PCDH15: variants seen among roughly 807,000 people sequenced by gnomAD.
PCDH15 encodes protocadherin-15.
In PCDH15, 129 loss-of-function variants were observed where a neutral mutation model predicts 178.5. The ratio of observed to expected loss-of-function variants is 0.72; its 90% CI spans 0.63 to 0.84. The LOEUF is 0.84. Among genes scored for constraint, PCDH15 ranks in the 40% least tolerant of loss-of-function variants. The probability of loss-of-function intolerance (pLI) is 0.00; values close to 1 mark genes in which losing one functional copy is unlikely to be tolerated. For missense variants in PCDH15, 2,230 were observed against 2,099.9 expected (o/e 1.06, Z -1.21); for synonymous variants, 800 against 732.0 (o/e 1.09, Z -1.50).
intron 2 of PCDH15, among the ~76,000 whole-genome samples, chr10:55,441,933 T>C (rs1447500009): frequency 1.4e-5 from 2 of 141,268 alleles, no homozygotes; most frequent in South Asian, 2.6e-4. Context: ...TATGTGAAGA[T>C]GGAACACAAA....
At chr10:54,911,867 C>T (rs1954824618) in intron 2 of PCDH15, among the ~76,000 whole-genome samples, 1 of 152,194 alleles carries the variant, frequency 6.6e-6, no homozygotes, top group Admixed American at 6.5e-5. Context: ...GCCTCCCAGC[C>T]ATGCAGAACT....
intron 25 of PCDH15, among the ~76,000 whole-genome samples, chr10:53,905,525 C>T (rs939291408): frequency 4.0e-5 from 6 of 151,780 alleles, no homozygotes; most frequent in East Asian, 3.9e-4. Context: ...TTAGTAGAGA[C>T]GGGATTTCTC....
intron 2 of PCDH15, among the ~76,000 whole-genome samples, chr10:54,662,891 T>C (rs1238477876): frequency 6.6e-6 from 1 of 152,014 alleles, no homozygotes; most frequent in African/African-American, 2.4e-5. Flanking sequence ...TGTGTTTTCC[T>C]TCAAAATAGC....
chr10:54,394,288 C>T (rs958946357), intron 3 of PCDH15, among the ~76,000 whole-genome samples: 24 of 151,480 alleles, frequency 1.6e-4, no homozygotes, highest in Non-Finnish European at 2.8e-4. Context: ...ATAAAATTAT[C>T]GGGGAACCTG....
At chr10:54,980,274 C>T (rs1839197323) in intron 2 of PCDH15, among the ~76,000 whole-genome samples, 1 of 152,112 alleles carries the variant, frequency 6.6e-6, no homozygotes, top group African/African-American at 2.4e-5. Flanking sequence ...AATTAGCGTG[C>T]TCTAAGTATA....
chr10:54,765,439 A>T (rs1242475511), intron 1 of PCDH15, among the ~76,000 whole-genome samples: 3 of 152,156 alleles, frequency 2.0e-5, no homozygotes, highest in Non-Finnish European at 4.4e-5. Flanking sequence ...ATTCAAAATG[A>T]TGTCAAGAAA....
At position 53,804,623 on chromosome 10, in the gene PCDH15, A is replaced by C. The variant is rs1245439965; in HGVS notation, c.*1956T>G. ...AGCCATGAAGCTGTATATAGAGAGA[A>C]TATCAAGGGATGCTGACTGAGATGA... On this transcript the variant is annotated 3_prime_UTR_variant, in exon 38 of 38. Transcript: ENST00000644397. 1 of 152,088 alleles carries C rather than the reference A, an allele frequency of 6.6e-6. No individual in the cohort carries two copies. Among genetic ancestry groups the C allele is most frequent in the African/African-American group, 2.4e-5 (1 of 41,458 alleles). The allele number at this position is 152,088 out of a possible 1,614,324, so 9.4% of individuals were successfully genotyped here.
At chr10:55,482,167 C>A (rs755520686) in intron 2 of PCDH15, among the ~76,000 whole-genome samples, 1 of 151,414 alleles carries the variant, frequency 6.6e-6, no homozygotes. Flanking sequence ...TTTCTGTTTT[C>A]TATTTGCTTG....
chr10:55,397,315 T>G (rs1379844294), intron 2 of PCDH15, among the ~76,000 whole-genome samples: 1 of 152,160 alleles, frequency 6.6e-6, no homozygotes, highest in Non-Finnish European at 1.5e-5. Context: ...TGCACTTATG[T>G]TCAATGAGGC....
At chr10:55,350,898 C>T (rs1231709542) in intron 2 of PCDH15, among the ~76,000 whole-genome samples, 1 of 152,100 alleles carries the variant, frequency 6.6e-6, no homozygotes, top group African/African-American at 2.4e-5. Flanking sequence ...TAAATCATAA[C>T]ATATCTGATT....
At chr10:54,647,506 G>A (rs1176899901) in intron 2 of PCDH15, among the ~76,000 whole-genome samples, 2 of 151,974 alleles carry the variant, frequency 1.3e-5, no homozygotes, top group Admixed American at 6.6e-5. Context: ...ATTTTTAAAA[G>A]GTAGAACCTC....
chr10:55,240,450 T>C (rs1196359337), intron 1 of PCDH15, among the ~76,000 whole-genome samples: 2 of 152,208 alleles, frequency 1.3e-5, no homozygotes, highest in African/African-American at 2.4e-5. Flanking sequence ...TAAACTGCTG[T>C]TATTATTTTC....
At chr10:55,092,650 T>G (rs981596539) in intron 2 of PCDH15, among the ~76,000 whole-genome samples, 19 of 151,824 alleles carry the variant, frequency 1.3e-4, no homozygotes, top group Non-Finnish European at 2.2e-4. Flanking sequence ...AGAAAACAAA[T>G]TAATGACAAA....
intron 26 of PCDH15, among the ~76,000 whole-genome samples, chr10:53,886,479 T>C (rs766228057): frequency 2.0e-5 from 3 of 152,156 alleles, no homozygotes; most frequent in African/African-American, 2.4e-5. Context: ...CCCATAACAT[T>C]TGGTTAAACT....
At chr10:54,242,130 T>TATATATATGTATATATATATATATATATG (rs2055394419) in intron 8 of PCDH15, among the ~76,000 whole-genome samples, 5 of 31,692 alleles carry the variant, frequency 1.6e-4, no homozygotes, top group African/African-American at 6.7e-4. Context: ...AATTCTATTT[T>TATATATATGTATATATATATATATATATG]TATATATATA....
At chr10:55,383,929 G>C (rs1267198100) in intron 2 of PCDH15, among the ~76,000 whole-genome samples, 1 of 152,078 alleles carries the variant, frequency 6.6e-6, no homozygotes, top group Non-Finnish European at 1.5e-5. Flanking sequence ...AAAATTATGT[G>C]TCATTATGTT....
At chr10:54,643,767 A>C (rs987434984) in intron 2 of PCDH15, among the ~76,000 whole-genome samples, 1 of 117,446 alleles carries the variant, frequency 8.5e-6, no homozygotes, top group African/African-American at 3.3e-5. Context: ...GGTTTCAGTT[A>C]TTTTCTTTTT....
chr10:54,757,182 G>A (rs118113166), intron 1 of PCDH15, among the ~76,000 whole-genome samples: 1,839 of 151,762 alleles, frequency 0.012, 22 homozygotes, highest in South Asian at 0.019. Flanking sequence ...ATTTGTAACT[G>A]TCCTTATTAG....
chr10:54,696,237 G>A (rs75724620), intron 1 of PCDH15, among the ~76,000 whole-genome samples: 12,079 of 151,960 alleles, frequency 0.079, 536 homozygotes, highest in South Asian at 0.15. Flanking sequence ...GACTTCGAGA[G>A]GTTAAGACTT....
Sources: gnomAD v4.1 joint callset for allele counts (sites outside exome capture counted in the v4.1 genomes callset) on GRCh38, gnomAD v4.1.1 for gene constraint, MANE v1.5 for transcripts, NCBI Gene and HGNC (gene_info 2026-07-23, HGNC 2026-07-21) for gene names.